Variants in TNRC18 observed in about 807,000 individuals in gnomAD.
TNRC18 encodes the protein trinucleotide repeat-containing gene 18 protein.
TNRC18 carries 69 observed loss-of-function variants against 226.7 expected under a neutral mutation model. The ratio of observed to expected loss-of-function variants is 0.30; its 90% CI spans 0.25 to 0.37. TNRC18 has a LOEUF of 0.37. Ranked by LOEUF, TNRC18 falls within the 10% of genes least tolerant of loss-of-function variation. The probability of loss-of-function intolerance (pLI) is 1.00; values close to 1 mark genes in which losing one functional copy is unlikely to be tolerated. For synonymous variants in TNRC18, 2,449 were observed against 1,927.6 expected (o/e 1.27, Z -7.09); for missense variants, 4,754 against 4,256.6 (o/e 1.12, Z -3.25).
chr7:5,380,605 G>A (rs922635472), intron 5 of TNRC18, among the ~76,000 whole-genome samples: 15 of 152,094 alleles, frequency 9.9e-5, no homozygotes, highest in East Asian at 1.9e-4. Flanking sequence ...GCCTGGACAC[G>A]GGCCTCCAGG....
In TNRC18 at chr7:5,352,292, G is replaced by A. The variant is rs142466161; in HGVS notation, c.5195-198C>T. On this transcript the variant is annotated intron_variant, in intron 16 of 29. Transcript: ENST00000430969. Reference sequence around the variant, plus strand: ...CAGTCCAGGCTTCTCCCTTGCCCTGGGTGCCTCGGTCATTGCATGGCATCT... The same window carrying A: ...CAGTCCAGGCTTCTCCCTTGCCCTGAGTGCCTCGGTCATTGCATGGCATCT... Among the ~76,000 whole-genome samples, 1,483 of 152,172 alleles carry A rather than the reference G, an allele frequency of 9.7e-3. 20 individuals carry two copies. Among genetic ancestry groups the A allele is most frequent in the Non-Finnish European group, 0.012 (794 of 68,008 alleles).
rs1289670372 is a variant in TNRC18 at position 5,421,071 on chromosome 7, T to C, written c.176A>G (p.His59Arg). ...CGCGGGGCACTTACCCGGGTGCGGA[T>C]GGAGATTCAGGCCGGCCATGTACTT... is the stretch of plus-strand genomic sequence containing the variant. Reference protein sequence around the residue: ...PGKYMAGLNLHPHPGEAFLGS... With the variant: ...PGKYMAGLNLRPHPGEAFLGS... The change falls in exon 2 of 30, where the codon CAT (histidine) becomes CGT (arginine). Residue 59 changes from histidine to arginine, a missense_variant. By Grantham distance (29) the His-to-Arg change is conservative. Transcript: ENST00000430969. The C allele has an allele frequency of 6.6e-7, 1 of 1,511,622 alleles. No individual in the cohort carries two copies. Among genetic ancestry groups the C allele is most frequent in the Non-Finnish European group, 8.9e-7 (1 of 1,119,604 alleles). 93.6% of individuals were successfully genotyped at this position (1,511,622 alleles called of 1,614,324 possible).
At position 5,377,334 on chromosome 7, in the gene TNRC18, CTCAGAGAAGGGGAGAG is replaced by C; in HGVS notation, c.2461+21_2461+36del. The C allele has an allele frequency of 7.2e-7, 1 of 1,384,192 alleles. No individual in the cohort carries two copies. Among genetic ancestry groups the C allele is most frequent in the Non-Finnish European group, 9.8e-7 (1 of 1,023,590 alleles). The allele number at this position is 1,384,192 out of a possible 1,614,324, so 85.7% of individuals were successfully genotyped here. On this transcript the variant is annotated intron_variant, in intron 7 of 29. Coordinates refer to ENST00000430969, the MANE Select transcript of TNRC18 (RefSeq NM_001080495.3). The surrounding 1 kb of genome is among the most constrained non-coding windows in gnomAD (Gnocchi z 5.8). ...TGCACCCGCCCCCTCCCACCCCTCC[CTCAGAGAAGGGGAGAG>C]ACCCTGTGCCCCACACTCACCGTAG...
At chr7:5,419,982 ATTTT>A in intron 2 of TNRC18, 1 of 151,548 alleles carries the variant, frequency 6.6e-6, no homozygotes, top group South Asian at 1.7e-4. Flanking sequence ...CAGGAGGTGG[ATTTT>A]TTTTTTTTTT....
chr7:5,374,604 G>A (rs1562572353), intron 9 of TNRC18, 120 bp from the exon 10 acceptor site: 2 of 1,048,988 alleles, frequency 1.9e-6, no homozygotes, highest in Non-Finnish European at 2.6e-6. Context: ...CAGGGCCTGG[G>A]GTCCAGGCTG....
At position 5,320,300 on chromosome 7, in the gene TNRC18, G is replaced by T; in HGVS notation, c.6745+18C>A. 6.5e-7 allele frequency: 1 copy of T among 1,537,668 alleles called. No individual in the cohort carries two copies. The highest frequency in any genetic ancestry group is 8.8e-7 in the Non-Finnish European group (1 of 1,135,116). On this transcript the variant is annotated intron_variant, in intron 24 of 29. Coordinates refer to ENST00000430969, the MANE Select transcript of TNRC18 (RefSeq NM_001080495.3). ...AGATGTTAGGCGGCAGGGGAGAGCT[G>T]GGGAGGAGGCATCTCACCTCGGACC...
Position 5,394,278 on chromosome 7 carries a change from C to A in TNRC18, c.343+162G>T, listed in dbSNP as rs1045423885. 6.6e-6 allele frequency among the ~76,000 whole-genome samples: 1 copy of A among 152,076 alleles called. No homozygotes were observed. Among genetic ancestry groups the A allele is most frequent in the Admixed American group, 6.5e-5 (1 of 15,274 alleles). On this transcript the variant is annotated intron_variant, in intron 3 of 29. Transcript: ENST00000430969. This position sits in a 1 kb window ranked among gnomAD's most constrained non-coding sequence, Gnocchi z 4.5. ...TCATACAAATGCCCTGTGACAGTGA[C>A]AAGAAGAAGCCCTGAGCGTTTGAGA...
At chr7:5,322,922 G>A (rs1788521416) in intron 21 of TNRC18, among the ~76,000 whole-genome samples, 1 of 152,194 alleles carries the variant, frequency 6.6e-6, no homozygotes, top group Admixed American at 6.5e-5. Context: ...GAAGTGGCCG[G>A]GGCCCAATGC....
chr7:5,332,952 C>T lies in TNRC18; in HGVS notation c.5817G>A (p.Pro1939=), dbSNP rs757019753. The T allele has an allele frequency of 2.6e-5, 40 of 1,553,530 alleles. No homozygotes were observed. In the Middle Eastern group the frequency reaches 5.3e-4, roughly 20 times the overall value. ...LLRPKKGLGE[P]GPSLAAPTPG... Reference sequence around the variant, plus strand: ...GCGTGGGTGCGGCCAGGGAGGGTCCCGGCTCCCCCAGCCCCTTCTTGGGCC... The same window carrying T: ...GCGTGGGTGCGGCCAGGGAGGGTCCTGGCTCCCCCAGCCCCTTCTTGGGCC... Residue 1939 remains proline, a synonymous_variant, in exon 19 of 30, where the codon CCG becomes CCA. Transcript: ENST00000430969.
At chr7:5,336,723 C>T (rs757244610) in intron 18 of TNRC18, among the ~76,000 whole-genome samples, 1 of 152,124 alleles carries the variant, frequency 6.6e-6, no homozygotes, top group Non-Finnish European at 1.5e-5. Context: ...GCCTGGGTGA[C>T]AGAGCAAGAC....
chr7:5,391,262 C>G (rs752489043), intron 3 of TNRC18, among the ~76,000 whole-genome samples: 1 of 152,122 alleles, frequency 6.6e-6, no homozygotes, highest in Admixed American at 6.6e-5. Context: ...AGGCCACCCC[C>G]TCACCAGCAA....
intron 2 of TNRC18, among the ~76,000 whole-genome samples, chr7:5,414,419 T>A (rs1302237332): frequency 6.6e-6 from 1 of 151,604 alleles, no homozygotes; most frequent in Non-Finnish European, 1.5e-5. Flanking sequence ...TTCTTTCTTT[T>A]GTTTTTTTTT....
At chr7:5,315,263 T>C in intron 25 of TNRC18, 115 bp from the exon 26 acceptor site, 1 of 1,173,540 alleles carries the variant, frequency 8.5e-7, no homozygotes, top group Non-Finnish European at 1.2e-6. Context: ...CGACACCAGG[T>C]GGCTGACCCC....
At position 5,325,256 on chromosome 7, in the gene TNRC18, A is replaced by C. The variant is rs765337830; in HGVS notation, c.6148-8T>G. 2.6e-5 allele frequency: 40 copies of C among 1,548,892 alleles called. No homozygotes were observed. The Admixed American group carries it at 5.4e-4, about 21-fold the overall frequency. ...CTCTTTCCCTTTCTTCTTCTGGAGGAGGAAGCAGCAGAGAGGAGCCATCAA... is the reference window on the plus strand; with the variant it reads ...CTCTTTCCCTTTCTTCTTCTGGAGGCGGAAGCAGCAGAGAGGAGCCATCAA... On this transcript the variant is annotated splice_polypyrimidine_tract_variant and splice_region_variant and intron_variant, in intron 19 of 29. Transcript: ENST00000430969.
At chr7:5,356,894 T>G (rs1479399128) in intron 16 of TNRC18, 22 bp downstream of exon 16, 2 of 1,494,256 alleles carry the variant, frequency 1.3e-6, no homozygotes, top group South Asian at 2.7e-5. Flanking sequence ...GGACCAGAGG[T>G]GGCGCGGCAT....
At chr7:5,368,200 C>T (rs1793797730) in intron 11 of TNRC18, among the ~76,000 whole-genome samples, 1 of 152,038 alleles carries the variant, frequency 6.6e-6, no homozygotes, top group Admixed American at 6.6e-5. Flanking sequence ...AAGCCGGGTG[C>T]TCACGCTTGT....
chr7:5,410,927 TG>T (rs900666761), intron 2 of TNRC18, among the ~76,000 whole-genome samples: 1 of 141,384 alleles, frequency 7.1e-6, no homozygotes, highest in African/African-American at 2.7e-5. Context: ...AGGAGAAGGC[TG>T]GGCGTGGTGG....
At position 5,388,462 on chromosome 7, in the gene TNRC18, C is replaced by G; in HGVS notation, c.1362G>C (p.Pro454=). Residue 454 remains proline (P), a synonymous_variant, in exon 5 of 30, where the codon CCG becomes CCC. Transcript: ENST00000430969. ...TGGCAGGCACGTAGGCGCGGGGGTC[C>G]GGGGAGGCGCGTGTGGCCCGCACCG... ...APTVRATRAS[P]DPRAYVPAKE... The G allele has an allele frequency of 7.0e-7, 1 of 1,434,138 alleles. No homozygotes were observed. Among genetic ancestry groups the G allele is most frequent in the Middle Eastern group, 1.9e-4 (1 of 5,200 alleles). 88.8% of individuals were successfully genotyped at this position (1,434,138 alleles called of 1,614,324 possible). A position where few individuals can be genotyped will look rare whatever the true frequency, so the allele number is the denominator to read the frequency against.
rs1381867682 is a variant in TNRC18, at chr7:5,306,952, T to C, written c.*1154A>G. The C allele has an allele frequency of 6.6e-6, 1 of 151,368 alleles. No individual in the cohort carries two copies. The highest frequency in any genetic ancestry group is 2.4e-5 in the African/African-American group (1 of 41,304). The allele number at this position is 151,368 out of a possible 1,614,324, so 9.4% of individuals were successfully genotyped here. ...TTTCCTTCCCTCAAGATTGTCTGGT[T>C]GAGGCCTTGGTTTCCCTTGAAGGCT... On this transcript the variant is annotated 3_prime_UTR_variant, in exon 30 of 30. Coordinates refer to ENST00000430969, the MANE Select transcript of TNRC18 (RefSeq NM_001080495.3).
Sources: gnomAD v4.1 joint callset for allele counts (sites outside exome capture counted in the v4.1 genomes callset) on GRCh38, gnomAD v4.1.1 for gene constraint, Gnocchi (gnomAD v3.1) non-coding constraint, MANE v1.5 for transcripts, NCBI Gene and HGNC (gene_info 2026-07-23, HGNC 2026-07-21) for gene names.